The following CLVS2 variants were observed in gnomAD, a reference collection of about 807,000 sequenced individuals.
CLVS2 encodes clavesin-2.
In CLVS2, 19 loss-of-function variants were observed where a neutral mutation model predicts 29.0. The ratio of observed to expected loss-of-function variants is 0.66; its 90% CI spans 0.46 to 0.96. The LOEUF (loss-of-function observed/expected upper bound fraction) is 0.96. Among genes scored for constraint, CLVS2 ranks in the 40% least tolerant of loss-of-function variants. The probability of loss-of-function intolerance (pLI) is 0.00; values close to 1 mark genes in which losing one functional copy is unlikely to be tolerated. For missense variants in CLVS2, 294 were observed against 404.1 expected, an observed-to-expected ratio of 0.73 and a Z score of 2.34; for synonymous variants, 161 against 151.3, an observed-to-expected ratio of 1.06 and a Z score of -0.47.
chr6:123,011,587 G>GT (rs1774748186), intron 3 of CLVS2, among the ~76,000 whole-genome samples: 1 of 151,918 alleles, frequency 6.6e-6, no homozygotes, highest in African/African-American at 2.4e-5. Context: ...CAATCAATAT[G>GT]TTTTTTGGTC....
At chr6:123,039,702 G>A (rs1350085898) in intron 3 of CLVS2, among the ~76,000 whole-genome samples, 1 of 152,166 alleles carries the variant, frequency 6.6e-6, no homozygotes, top group East Asian at 1.9e-4. Context: ...TGGCAGAAAA[G>A]GTAACTGGTG....
chr6:123,001,253 CT>C (rs1774585460), intron 2 of CLVS2, among the ~76,000 whole-genome samples: 1 of 152,190 alleles, frequency 6.6e-6, no homozygotes, highest in Non-Finnish European at 1.5e-5. Flanking sequence ...AAAATAGTGT[CT>C]GTTTCTGCTG....
At chr6:123,027,024 G>C (rs1775012147) in intron 3 of CLVS2, among the ~76,000 whole-genome samples, 1 of 152,092 alleles carries the variant, frequency 6.6e-6, no homozygotes, top group South Asian at 2.1e-4. Context: ...AACAGCATGA[G>C]CTAAGGTACA....
At chr6:123,022,579 A>G (rs1774939595) in intron 3 of CLVS2, among the ~76,000 whole-genome samples, 1 of 152,076 alleles carries the variant, frequency 6.6e-6, no homozygotes, top group Admixed American at 6.6e-5. Context: ...ATACTCTTCG[A>G]TCTGGATCCC....
rs549035877 is a variant in CLVS2, at chr6:123,044,979, C to A, written c.565-3643C>A. Among the ~76,000 whole-genome samples the A allele has an allele frequency of 5.9e-5, 9 of 152,172 alleles. No individual in the cohort carries two copies. The East Asian group carries it at 1.7e-3, about 29-fold the overall frequency. ...TGTGGTTAATATGGTAACCCTGTATCTAGAGGGTGTGCTGAATAATTAACA... is the reference window on the plus strand; with the variant it reads ...TGTGGTTAATATGGTAACCCTGTATATAGAGGGTGTGCTGAATAATTAACA... On this transcript the variant is annotated intron_variant, in intron 3 of 5. Transcript: ENST00000275162.
At chr6:123,045,458 C>T (rs1440744395) in intron 3 of CLVS2, among the ~76,000 whole-genome samples, 2 of 151,972 alleles carry the variant, frequency 1.3e-5, no homozygotes, top group African/African-American at 2.4e-5. Flanking sequence ...TAAGTGACAC[C>T]GAGAAAGAGG....
chr6:123,044,641 A>G (rs1772453069), intron 3 of CLVS2, among the ~76,000 whole-genome samples: 2 of 152,128 alleles, frequency 1.3e-5, no homozygotes, highest in African/African-American at 2.4e-5. Context: ...AGAACAGTCA[A>G]TTATGCATTC....
rs888870169 is a variant in CLVS2, at chr6:123,055,229, C to A, written c.676-577C>A. Among the ~76,000 whole-genome samples, 7 of 152,116 alleles carry A rather than the reference C, an allele frequency of 4.6e-5. No homozygotes were observed. In the East Asian group the frequency reaches 1.3e-3, roughly 29 times the overall value. On this transcript the variant is annotated intron_variant, in intron 4 of 5. Coordinates refer to ENST00000275162, the MANE Select transcript of CLVS2 (RefSeq NM_001010852.4). ...CCTTTGGGACATGAACTTCACTCAGCCTTTCATTATGACGATGCTAATCTA... is the reference window on the plus strand; with the variant it reads ...CCTTTGGGACATGAACTTCACTCAGACTTTCATTATGACGATGCTAATCTA...
chr6:123,061,221 C>T (rs1053545359), intron 5 of CLVS2, among the ~76,000 whole-genome samples: 5 of 151,800 alleles, frequency 3.3e-5, no homozygotes, highest in Non-Finnish European at 5.9e-5. Flanking sequence ...CAGTTGAACC[C>T]GGGAGGCGGA....
chr6:123,012,066 G>A (rs935830841), intron 3 of CLVS2, among the ~76,000 whole-genome samples: 4 of 151,820 alleles, frequency 2.6e-5, no homozygotes, highest in African/African-American at 9.7e-5. Flanking sequence ...GGAAATCTTC[G>A]ATTTCTGCCT....
At chr6:123,017,167 T>C (rs1195728359) in intron 3 of CLVS2, among the ~76,000 whole-genome samples, 1 of 151,970 alleles carries the variant, frequency 6.6e-6, no homozygotes, top group Non-Finnish European at 1.5e-5. Context: ...AGATATTGAC[T>C]AAATTAGGAA....
At chr6:123,031,073 T>G (rs554004785) in intron 3 of CLVS2, among the ~76,000 whole-genome samples, 71 of 151,998 alleles carry the variant, frequency 4.7e-4, no homozygotes, top group African/African-American at 1.7e-3. Context: ...GCTGGGAATA[T>G]GGGCATGCAC....
At position 123,055,786 on chromosome 6, in the gene CLVS2, C is replaced by T; in HGVS notation, c.676-20C>T. ...TTTCCTCTGTGTCTTTCCCTTCCTC[C>T]CGTCTTCTTGCATTTATAGATATTT... On this transcript the variant is annotated intron_variant, in intron 4 of 5. Coordinates refer to ENST00000275162, the MANE Select transcript of CLVS2 (RefSeq NM_001010852.4). 6.4e-7 allele frequency: 1 copy of T among 1,555,448 alleles called. No individual in the cohort carries two copies. Among genetic ancestry groups the T allele is most frequent in the Non-Finnish European group, 8.9e-7 (1 of 1,126,734 alleles).
At position 123,064,772 on chromosome 6, in the gene CLVS2, A is replaced by C. The variant is rs1340598922; in HGVS notation, c.*1011A>C. The C allele has an allele frequency of 6.6e-6, 1 of 151,884 alleles. No homozygotes were observed. The highest frequency in any genetic ancestry group is 6.6e-5 in the Admixed American group (1 of 15,216). 9.4% of individuals were successfully genotyped at this position (151,884 alleles called of 1,614,324 possible). On this transcript the variant is annotated 3_prime_UTR_variant, in exon 6 of 6. Coordinates refer to ENST00000275162, the MANE Select transcript of CLVS2 (RefSeq NM_001010852.4). ...TAAATCATAGATATTCAATGATCTT[A>C]TGGATAATTACATGAGATAACTCTG... is the stretch of plus-strand genomic sequence containing the variant.
chr6:123,050,173 A>C (rs1008747543), intron 4 of CLVS2, among the ~76,000 whole-genome samples: 1 of 152,184 alleles, frequency 6.6e-6, no homozygotes, highest in Non-Finnish European at 1.5e-5. Flanking sequence ...TCTACCACCA[A>C]GTATTAAATT....
intron 3 of CLVS2, among the ~76,000 whole-genome samples, chr6:123,031,859 C>A (rs1466947107): frequency 2.0e-5 from 3 of 151,156 alleles, no homozygotes; most frequent in Non-Finnish European, 2.9e-5. Flanking sequence ...CTTTCTTTGA[C>A]TTGATTTAAT....
At position 123,010,997 on chromosome 6, in the gene CLVS2, G is replaced by A. The variant is rs745660729; in HGVS notation, c.402G>A (p.Val134=). 24 of 1,600,332 alleles carry A rather than the reference G, an allele frequency of 1.5e-5. No individual in the cohort carries two copies. The South Asian group carries it at 2.7e-4, about 18-fold the overall frequency. The change falls in exon 3 of 6, where the codon GTG becomes GTA. Residue 134 remains valine (V), a synonymous_variant. Coordinates refer to ENST00000275162, the MANE Select transcript of CLVS2 (RefSeq NM_001010852.4). ...ANWDQSRYTL[V]DILRAILLSL... ...CTGTCGCCGATAGGTACACACTGGT[G>A]GATATTTTGCGTGCCATCTTACTTT...
intron 3 of CLVS2, among the ~76,000 whole-genome samples, chr6:123,034,324 G>A (rs914971040): frequency 2.0e-5 from 3 of 152,042 alleles, no homozygotes; most frequent in Non-Finnish European, 2.9e-5. Context: ...CCTAAAATAG[G>A]TGAATGGTTA....
chr6:123,051,107 T>G (rs1381449280), intron 4 of CLVS2, among the ~76,000 whole-genome samples: 1 of 152,050 alleles, frequency 6.6e-6, no homozygotes, highest in Non-Finnish European at 1.5e-5. Flanking sequence ...ATATTCCAAG[T>G]GAGTCAGTAT....
Sources: gnomAD v4.1 joint callset for allele counts (sites outside exome capture counted in the v4.1 genomes callset) on GRCh38, gnomAD v4.1.1 for gene constraint, MANE v1.5 for transcripts, NCBI Gene and HGNC (gene_info 2026-07-23, HGNC 2026-07-21) for gene names.